Variants in GALNT13 observed in about 807,000 individuals in gnomAD.
GALNT13 encodes the protein polypeptide N-acetylgalactosaminyltransferase 13.
Under a neutral mutation model 64.2 loss-of-function variants are expected in GALNT13, and 28 were observed. The ratio of observed to expected loss-of-function variants is 0.44; its 90% confidence interval spans 0.32 to 0.60. The LOEUF (loss-of-function observed/expected upper bound fraction) is 0.60. Ranked by LOEUF, GALNT13 falls within the 20% of genes least tolerant of loss-of-function variation. The probability of loss-of-function intolerance (pLI) is 0.05; values close to 1 mark genes in which losing one functional copy is unlikely to be tolerated. For missense variants in GALNT13, 577 were observed against 669.8 expected (o/e 0.86, Z 1.53); for synonymous variants, 214 against 224.6 (o/e 0.95, Z 0.42).
At chr2:153,621,086 T>G in the GALNT13 span, among the ~76,000 whole-genome samples, 1 of 152,088 alleles carries the variant, frequency 6.6e-6, no homozygotes, top group Non-Finnish European at 1.5e-5. Context: ...TCTTGTACTC[T>G]TCTTGTACTT....
chr2:153,120,785 A>C, the GALNT13 span, among the ~76,000 whole-genome samples: 5 of 152,258 alleles, frequency 3.3e-5, no homozygotes, highest in East Asian at 1.9e-4. Context: ...GTTGGTCAGA[A>C]AGTTGGGAGT....
At chr2:154,358,605 A>G (rs1272000147) in intron 9 of GALNT13, among the ~76,000 whole-genome samples, 1 of 152,042 alleles carries the variant, frequency 6.6e-6, no homozygotes, top group Non-Finnish European at 1.5e-5. Flanking sequence ...ATTTGGATCC[A>G]TGGGTTTTAT....
the GALNT13 span, among the ~76,000 whole-genome samples, chr2:153,850,009 A>G: frequency 2.0e-5 from 1 of 50,072 alleles, no homozygotes; most frequent in Non-Finnish European, 5.5e-5. Context: ...AAAATACAAA[A>G]AAAAAAAAAA....
chr2:153,914,868 T>C (rs1166565908), intron 2 of GALNT13, among the ~76,000 whole-genome samples: 14 of 152,102 alleles, frequency 9.2e-5, no homozygotes, highest in Admixed American at 9.2e-4. Flanking sequence ...AATCCTCCAG[T>C]GGTAAATTGC....
At chr2:153,697,585 CT>C in the GALNT13 span, among the ~76,000 whole-genome samples, 5 of 152,174 alleles carry the variant, frequency 3.3e-5, no homozygotes, top group Non-Finnish European at 7.3e-5. Context: ...ACTGTAGGTA[CT>C]TGAGGCAGAA....
the GALNT13 span, among the ~76,000 whole-genome samples, chr2:153,837,105 C>T: frequency 8.7e-5 from 13 of 148,986 alleles, no homozygotes; most frequent in East Asian, 1.4e-3. Context: ...AATGGTTGAA[C>T]TAGTTTCCAG....
chr2:154,384,171 TGGG>T (rs941976778), intron 9 of GALNT13, among the ~76,000 whole-genome samples: 20 of 151,952 alleles, frequency 1.3e-4, no homozygotes, highest in Admixed American at 3.3e-4. Flanking sequence ...TTTTCTCTAA[TGGG>T]ATCAATTTAT....
At chr2:153,504,902 G>C in the GALNT13 span, among the ~76,000 whole-genome samples, 1 of 152,148 alleles carries the variant, frequency 6.6e-6, no homozygotes, top group African/African-American at 2.4e-5. Flanking sequence ...TTCATAGAAT[G>C]GTTTAGGAAG....
At chr2:154,150,738 A>T (rs955309771) in intron 4 of GALNT13, among the ~76,000 whole-genome samples, 13 of 152,240 alleles carry the variant, frequency 8.5e-5, no homozygotes, top group Admixed American at 2.6e-4. Context: ...TAGTATTCTC[A>T]GATGGTAGTT....
At chr2:154,287,931 A>G (rs1692367968) in intron 8 of GALNT13, among the ~76,000 whole-genome samples, 1 of 152,132 alleles carries the variant, frequency 6.6e-6, no homozygotes, top group Non-Finnish European at 1.5e-5. Flanking sequence ...CCCAATTAGT[A>G]TAGCCGGAGA....
chr2:153,117,717 T>A, the GALNT13 span, among the ~76,000 whole-genome samples: 1 of 152,308 alleles, frequency 6.6e-6, no homozygotes, highest in Non-Finnish European at 1.5e-5. Flanking sequence ...GCACTTTTGC[T>A]TGAATTTCCT....
intron 3 of GALNT13, among the ~76,000 whole-genome samples, chr2:154,026,661 A>G (rs1697988083): frequency 6.6e-6 from 1 of 152,132 alleles, no homozygotes; most frequent in African/African-American, 2.4e-5. Context: ...TCTTCTTATA[A>G]GGTAACAGTC....
chr2:153,286,950 T>C, the GALNT13 span, among the ~76,000 whole-genome samples: 1 of 152,058 alleles, frequency 6.6e-6, no homozygotes, highest in African/African-American at 2.4e-5. Flanking sequence ...CAATCAAAAT[T>C]CAGAATACGA....
chr2:153,089,549 A>G, the GALNT13 span, among the ~76,000 whole-genome samples: 1 of 152,090 alleles, frequency 6.6e-6, no homozygotes, highest in Non-Finnish European at 1.5e-5. Context: ...GTTTTCCTCA[A>G]TCATTCCCTC....
intron 4 of GALNT13, chr2:154,236,229 C>T (rs1689184579): frequency 1.1e-6 from 1 of 880,884 alleles, no homozygotes; most frequent in Non-Finnish European, 1.4e-6. Flanking sequence ...AGATGTTAAC[C>T]TCATGCATCA....
chr2:153,603,031 T>C, the GALNT13 span, among the ~76,000 whole-genome samples: 1 of 151,814 alleles, frequency 6.6e-6, no homozygotes, highest in Non-Finnish European at 1.5e-5. Context: ...ATCTGAAAAA[T>C]AGTGTTGTGT....
the GALNT13 span, among the ~76,000 whole-genome samples, chr2:153,397,673 G>A: frequency 2.6e-5 from 4 of 152,102 alleles, no homozygotes; most frequent in East Asian, 5.8e-4. Context: ...TCACCAAGGG[G>A]GAGGGTTCAA....
At chr2:154,338,756 T>G (rs886210080) in intron 9 of GALNT13, among the ~76,000 whole-genome samples, 2 of 152,036 alleles carry the variant, frequency 1.3e-5, no homozygotes, top group South Asian at 4.2e-4. Context: ...TTAGGTCTGG[T>G]GGATAATGGC....
chr2:153,478,488 G>C, the GALNT13 span: 3 of 1,612,434 alleles, frequency 1.9e-6, no homozygotes, highest in Admixed American at 1.7e-5. Context: ...AGCAGCGCAC[G>C]GCTCGCTCCA....
Sources: gnomAD v4.1 joint callset for allele counts (sites outside exome capture counted in the v4.1 genomes callset) on GRCh38, gnomAD v4.1.1 for gene constraint, MANE v1.5 for transcripts, NCBI Gene and HGNC (gene_info 2026-07-23, HGNC 2026-07-21) for gene names.